The following STON2 variants were observed in gnomAD, a reference collection of about 807,000 sequenced individuals.
The protein encoded by STON2 is stonin-2.
Under a neutral mutation model 65.7 loss-of-function variants are expected in STON2, and 29 were observed. The observed-to-expected ratio is 0.44, with a 90% CI of 0.33 to 0.60. The LOEUF (loss-of-function observed/expected upper bound fraction) is 0.60, where lower values mean the gene tolerates loss of function less well. STON2 is among the 20% of genes least tolerant of loss of function. The pLI is 0.03. For missense variants in STON2, 1,054 were observed against 1,118.1 expected (o/e 0.94, Z 0.82); for synonymous variants, 404 against 414.2 (o/e 0.98, Z 0.30).
rs765822743 is a variant in STON2 at position 81,398,468 on chromosome 14, G to C, written c.-86C>G. ...TGGGGTGGGCTGGAGTAGGGGTATG[G>C]TAGTACGGTAGACTTGGGTCCAGGG... On this transcript the variant is annotated 5_prime_UTR_variant, in exon 2 of 8. Transcript: ENST00000614646. 2 of 1,003,566 alleles carry C rather than the reference G, an allele frequency of 2.0e-6. No individual in the cohort carries two copies. The highest frequency in any genetic ancestry group is 1.6e-6 in the Non-Finnish European group (1 of 639,538). 62.2% of individuals were successfully genotyped at this position (1,003,566 alleles called of 1,614,324 possible).
At chr14:81,400,478 CAAAAAA>C (rs5810028), upstream of STON2, among the ~76,000 whole-genome samples, 1 of 96,698 alleles carries the variant, frequency 1.0e-5, no homozygotes, top group South Asian at 4.0e-4. Context: ...CAGCACCCGT[CAAAAAA>C]AAAAAAAAAA....
At chr14:81,281,572 C>T (rs922830559) in intron 5 of STON2, among the ~76,000 whole-genome samples, 2 of 152,284 alleles carry the variant, frequency 1.3e-5, no homozygotes, top group African/African-American at 2.4e-5. Context: ...CTTTGGAGGG[C>T]GGCTTTCTGC....
At chr14:81,352,931 A>G (rs983402494) in intron 4 of STON2, among the ~76,000 whole-genome samples, 1 of 152,224 alleles carries the variant, frequency 6.6e-6, no homozygotes, top group African/African-American at 2.4e-5. Context: ...AGTAACCACA[A>G]GAATATATTT....
intron 3 of STON2, among the ~76,000 whole-genome samples, chr14:81,379,197 T>C (rs970414342): frequency 1.3e-5 from 2 of 152,122 alleles, no homozygotes; most frequent in African/African-American, 2.4e-5. Flanking sequence ...AAAATCAACA[T>C]ATAAAAGTGA....
At chr14:81,325,812 G>A (rs1476810901) in intron 4 of STON2, among the ~76,000 whole-genome samples, 1 of 152,152 alleles carries the variant, frequency 6.6e-6, no homozygotes, top group Non-Finnish European at 1.5e-5. Context: ...CTTTATAGAA[G>A]GGTCTGCAAT....
Position 81,428,994 on chromosome 14 carries a change from G to A in STON2, c.-309-1782C>T, listed in dbSNP as rs1902114525. ...ATGCTTGAGAATGCCCTTTCATTCA[G>A]ATGGTGTGTTTGCATGGACACACAG... On this transcript the variant is annotated intron_variant, in intron 1 of 8. Transcript: ENST00000553821. Among the ~76,000 whole-genome samples the A allele has an allele frequency of 2.6e-5, 4 of 152,304 alleles. No homozygotes were observed. In the South Asian group the frequency reaches 8.3e-4, roughly 32 times the overall value.
In STON2 at chr14:81,308,853, C is replaced by CACATACAT. The variant is rs1334845884; in HGVS notation, c.742+15156_742+15163dup. ...GTGTGTGTGTATATATATATATATA[C>CACATACAT]ACATACATACATACATACATACATA... On this transcript the variant is annotated intron_variant, in intron 5 of 7. Transcript: ENST00000614646. Among the ~76,000 whole-genome samples, 5 of 8,996 alleles carry CACATACAT rather than the reference C, an allele frequency of 5.6e-4. No individual in the cohort carries two copies. The East Asian group carries it at 6.4e-3, about 11-fold the overall frequency. 5.9% of individuals were successfully genotyped at this position (8,996 alleles called of 152,430 possible).
chr14:81,372,795 A>G (rs963715991), intron 3 of STON2, among the ~76,000 whole-genome samples: 5 of 152,204 alleles, frequency 3.3e-5, no homozygotes, highest in African/African-American at 1.2e-4. Context: ...CAAGATGATA[A>G]TGTCAGTTCT....
At chr14:81,336,360 T>C (rs116068353) in intron 4 of STON2, among the ~76,000 whole-genome samples, 1,925 of 152,110 alleles carry the variant, frequency 0.013, 34 homozygotes, top group African/African-American at 0.044. Flanking sequence ...TTGAGTGATT[T>C]CCCCAGGTCT....
In STON2 at chr14:81,265,593, C is replaced by T. The variant is rs1218376755; in HGVS notation, c.*2821G>A. The T allele has an allele frequency of 1.3e-5, 5 of 385,076 alleles. No individual in the cohort carries two copies. The highest frequency in any genetic ancestry group is 1.1e-4 in the South Asian group (1 of 9,356). 23.9% of individuals were successfully genotyped at this position (385,076 alleles called of 1,614,324 possible). On this transcript the variant is annotated 3_prime_UTR_variant, in exon 8 of 8. Transcript: ENST00000614646. ...TTGGGAGGCAGAGGTTGCAATGAGC[C>T]GAGATCACGCCATTGCACTCCAGCC...
chr14:81,333,030 T>C lies in STON2; in HGVS notation c.572-8843A>G, dbSNP rs557549028. ...TGACTTTCCTCATTCTGTTCTTGTG[T>C]CCCTCTTGTTGCTTTCTTGAGTTCT... On this transcript the variant is annotated intron_variant, in intron 4 of 7. Coordinates refer to ENST00000614646, the MANE Select transcript of STON2 (RefSeq NM_001394390.1). 7.4e-5 allele frequency: 44 copies of C among 595,038 alleles called. No homozygotes were observed. In the African/African-American group the frequency reaches 8.0e-4, roughly 11 times the overall value. 36.9% of individuals were successfully genotyped at this position (595,038 alleles called of 1,614,324 possible).
chr14:81,381,855 C>T lies in STON2; in HGVS notation c.374-10670G>A, dbSNP rs1381167243. Among the ~76,000 whole-genome samples the T allele has an allele frequency of 2.0e-5, 3 of 152,078 alleles. No homozygotes were observed. In the East Asian group the frequency reaches 5.8e-4, roughly 29 times the overall value. On this transcript the variant is annotated intron_variant, in intron 3 of 7. Transcript: ENST00000614646. ...AAGAGAACCACCTGCACATGTTCAC[C>T]AGGATACACGTTAAAAATGTTCATA...
At chr14:81,331,317 C>G (rs1897206172) in intron 4 of STON2, among the ~76,000 whole-genome samples, 1 of 152,172 alleles carries the variant, frequency 6.6e-6, no homozygotes, top group Non-Finnish European at 1.5e-5. Flanking sequence ...AATTATGCAC[C>G]AGACACTGTG....
At chr14:81,420,780 G>A (rs1359262945) in intron 2 of STON2, among the ~76,000 whole-genome samples, 2 of 152,174 alleles carry the variant, frequency 1.3e-5, no homozygotes, top group African/African-American at 2.4e-5. Context: ...ATACAAAATG[G>A]TCAATAAGAG....
At chr14:81,389,530 G>C (rs1205660734) in intron 3 of STON2, among the ~76,000 whole-genome samples, 1 of 152,206 alleles carries the variant, frequency 6.6e-6, no homozygotes, top group Non-Finnish European at 1.5e-5. Context: ...ATGAGAAATT[G>C]ATGGGCAAAT....
At chr14:81,347,508 C>T (rs549535491) in intron 4 of STON2, among the ~76,000 whole-genome samples, 2 of 149,490 alleles carry the variant, frequency 1.3e-5, no homozygotes, top group South Asian at 2.2e-4. Flanking sequence ...GAAGAATTAA[C>T]ATCAATTCTT....
At chr14:81,386,964 T>C (rs1899838133) in intron 3 of STON2, among the ~76,000 whole-genome samples, 1 of 152,212 alleles carries the variant, frequency 6.6e-6, no homozygotes, top group Non-Finnish European at 1.5e-5. Flanking sequence ...TGCTATATTC[T>C]TCCCGGTACC....
At position 81,277,945 on chromosome 14, in the gene STON2, T is replaced by C. The variant is rs779760964; in HGVS notation, c.1537A>G (p.Thr513Ala). The C allele has an allele frequency of 6.2e-7, 1 of 1,614,176 alleles. No individual in the cohort carries two copies. The highest frequency in any genetic ancestry group is 1.1e-5 in the South Asian group (1 of 91,086). The change falls in exon 6 of 8, where the codon ACT (threonine) becomes GCT (alanine). Residue 513 changes from threonine to alanine, a missense_variant. Coordinates refer to ENST00000614646, the MANE Select transcript of STON2 (RefSeq NM_001394390.1). ...TCATAATACAGCTGCAGGTAACCAGTGTCTGTCAGTTTGACGAAGATCGGT... is the reference window on the plus strand; with the variant it reads ...TCATAATACAGCTGCAGGTAACCAGCGTCTGTCAGTTTGACGAAGATCGGT... ...WGPIFVKLTD[T>A]GYLQLYYEQG...
Position 81,277,305 on chromosome 14 carries a change from G to A in STON2, c.2177C>T (p.Ala726Val), listed in dbSNP as rs774934482. 7 of 1,614,046 alleles carry A rather than the reference G, an allele frequency of 4.3e-6. No individual in the cohort carries two copies. The highest frequency in any genetic ancestry group is 4.5e-5 in the East Asian group (2 of 44,890). Residue 726 changes from alanine (A) to valine (V), a missense_variant, in exon 6 of 8, where the codon GCG becomes GTG. Physicochemically the swap from Ala to Val is moderately conservative, Grantham distance 64. Coordinates refer to ENST00000614646, the MANE Select transcript of STON2 (RefSeq NM_001394390.1). Reference sequence around the variant, plus strand: ...GAACCGCATTAGCTCAAACCGGCACGCATCCAAAGGGTTGAACAGAATGAC... The same window carrying A: ...GAACCGCATTAGCTCAAACCGGCACACATCCAAAGGGTTGAACAGAATGAC... ...SRVILFNPLD[A>V]CRFELMRFRT...
Sources: allele counts gnomAD v4.1 joint callset (sites outside exome capture counted in the v4.1 genomes callset), GRCh38; gene constraint gnomAD v4.1.1; transcripts MANE v1.5; gene names NCBI Gene and HGNC (gene_info 2026-07-23, HGNC 2026-07-21).